Variants in ARHGEF7 observed in about 807,000 individuals in gnomAD.
The protein encoded by ARHGEF7 is PAK-interacting exchange factor beta.
A neutral mutation model predicts 109.8 loss-of-function variants in ARHGEF7; 33 were observed. The ratio of observed to expected loss-of-function variants is 0.30; its 90% CI spans 0.23 to 0.40. The LOEUF (loss-of-function observed/expected upper bound fraction) is 0.40. Ranked by LOEUF, ARHGEF7 falls within the 10% of genes least tolerant of loss-of-function variation. The probability of loss-of-function intolerance (pLI) is 1.00; values close to 1 mark genes in which losing one functional copy is unlikely to be tolerated. For missense variants in ARHGEF7, 938 were observed against 1,098.5 expected, an observed-to-expected ratio of 0.85 and a Z score of 2.07; for synonymous variants, 458 against 424.6, an observed-to-expected ratio of 1.08 and a Z score of -0.97.
At chr13:111,196,005 C>T (rs2080455458) in intron 2 of ARHGEF7, among the ~76,000 whole-genome samples, 1 of 152,152 alleles carries the variant, frequency 6.6e-6, no homozygotes, top group African/African-American at 2.4e-5. Flanking sequence ...TTGGAGCTTT[C>T]TCCTGATATC....
In ARHGEF7 at chr13:111,153,974, G is replaced by T; in HGVS notation, c.235G>T (p.Ala79Ser). 1 of 1,603,000 alleles carries T rather than the reference G, an allele frequency of 6.2e-7. No homozygotes were observed. The highest frequency in any genetic ancestry group is 8.5e-7 in the Non-Finnish European group (1 of 1,176,714). Reference sequence around the variant, plus strand: ...CCGCGAGTTCCTGCGCGGCTGCGGGGCTTCCCTGCGGCTGGAGGTGAGCGC... The same window carrying T: ...CCGCGAGTTCCTGCGCGGCTGCGGGTCTTCCCTGCGGCTGGAGGTGAGCGC... Reference protein sequence around the residue: ...NIREFLRGCGASLRLETFDAN... With the variant: ...NIREFLRGCGSSLRLETFDAN... The change falls in exon 2 of 22, where the codon GCT becomes TCT. Residue 79 changes from alanine to serine, a missense_variant. Ala to Ser is a moderately conservative substitution (Grantham distance 99). Transcript: ENST00000646102.
chr13:111,139,358 T>C (rs1361774105), intron 1 of ARHGEF7, among the ~76,000 whole-genome samples: 3 of 152,208 alleles, frequency 2.0e-5, no homozygotes, highest in Non-Finnish European at 4.4e-5. Flanking sequence ...TGTGACTCTG[T>C]TTCTCCCCTT....
At chr13:111,149,782 C>T (rs2075801957) in intron 1 of ARHGEF7, among the ~76,000 whole-genome samples, 1 of 152,166 alleles carries the variant, frequency 6.6e-6, no homozygotes, top group Non-Finnish European at 1.5e-5. Context: ...ACAGTACTCA[C>T]ATAACACGGA....
chr13:111,284,726 G>A (rs528141055), intron 16 of ARHGEF7, among the ~76,000 whole-genome samples: 13 of 152,314 alleles, frequency 8.5e-5, no homozygotes, highest in African/African-American at 2.6e-4. Flanking sequence ...GCTGAGCACC[G>A]CCCAGCAGTA....
intron 3 of ARHGEF7, among the ~76,000 whole-genome samples, chr13:111,206,960 TA>T (rs35814705): frequency 4.8e-4 from 26 of 53,720 alleles, no homozygotes; most frequent in South Asian, 1.7e-3. Context: ...AGACTCCATC[TA>T]AAAAAAAAAA....
rs144842052 is a variant in ARHGEF7 at position 111,131,273 on chromosome 13, G to C, written c.165+15582G>C. On this transcript the variant is annotated intron_variant, in intron 1 of 21. Coordinates refer to ENST00000646102, the MANE Select transcript of ARHGEF7 (RefSeq NM_001354046.2). The surrounding 1 kb of genome is among the most constrained non-coding windows in gnomAD (Gnocchi z 4.4). ...GGGAGCCCAGGAGGGTGCGGCGGCG[G>C]GCAGACAGGGGGACAGTGATTTGGG... Among the ~76,000 whole-genome samples the C allele has an allele frequency of 3.2e-3, 494 of 152,174 alleles. 3 individuals carry two copies. Among genetic ancestry groups the C allele is most frequent in the African/African-American group, 0.011 (474 of 41,502 alleles).
intron 5 of ARHGEF7, among the ~76,000 whole-genome samples, chr13:111,223,927 G>C (rs1399147660): frequency 6.7e-6 from 1 of 150,118 alleles, no homozygotes; most frequent in East Asian, 1.9e-4. Flanking sequence ...CATAATCTCA[G>C]CTCACTGCAA....
chr13:111,159,495 C>T (rs2076586382), intron 2 of ARHGEF7, among the ~76,000 whole-genome samples: 1 of 152,226 alleles, frequency 6.6e-6, no homozygotes, highest in Non-Finnish European at 1.5e-5. Context: ...AATTTACATT[C>T]CCACCAACAA....
chr13:111,187,467 C>A (rs1221302926), intron 2 of ARHGEF7, among the ~76,000 whole-genome samples: 3 of 152,178 alleles, frequency 2.0e-5, no homozygotes, highest in East Asian at 1.9e-4. Context: ...TCTTGCCATT[C>A]CTGACTTGTT....
At chr13:111,139,385 T>A (rs2075240141) in intron 1 of ARHGEF7, among the ~76,000 whole-genome samples, 1 of 152,186 alleles carries the variant, frequency 6.6e-6, no homozygotes, top group Non-Finnish European at 1.5e-5. Context: ...TCTCTGTATC[T>A]GTGACATCCT....
intron 19 of ARHGEF7, chr13:111,293,127 T>C (rs1212498720): frequency 1.0e-5 from 10 of 985,244 alleles, no homozygotes; most frequent in Middle Eastern, 5.2e-4. Flanking sequence ...GTAAAATCTC[T>C]ACACTAACAG....
At chr13:111,297,828 G>A (rs550489641) in intron 19 of ARHGEF7, among the ~76,000 whole-genome samples, 1 of 152,352 alleles carries the variant, frequency 6.6e-6, no homozygotes, top group African/African-American at 2.4e-5. Context: ...AAATGTTAAT[G>A]TTGGAAACAG....
Position 111,292,273 on chromosome 13 carries a change from T to TA in ARHGEF7, c.2291dup (p.Tyr764Ter). 6.2e-7 allele frequency: 1 copy of TA among 1,614,244 alleles called. No individual in the cohort carries two copies. Among genetic ancestry groups the TA allele is most frequent in the Non-Finnish European group, 8.5e-7 (1 of 1,180,052 alleles). ...DYDSIWTAHS[Y>*]RMGSTSRSRK... ...TGACAGTATATGGACAGCCCATAGT[T>TA]ACAGAATGGGTTCTACATCTCGTAA... Residue 764 changes from tyrosine (Y) to a stop codon, truncating the protein, a stop_gained and frameshift_variant, in exon 19 of 22, where the codon TAC (tyrosine) becomes TAAC (stop). Coordinates refer to ENST00000646102, the MANE Select transcript of ARHGEF7 (RefSeq NM_001354046.2). LOFTEE classifies it high-confidence loss of function.
Position 111,145,823 on chromosome 13 carries a change from C to T in ARHGEF7, c.166-8082C>T, listed in dbSNP as rs902583960. ...AATCCACGGGCTGTGTAGTTTTGGA[C>T]CTGACATTTCAGCTGTCTGAGTCCC... On this transcript the variant is annotated intron_variant, in intron 1 of 21. Transcript: ENST00000646102. This position sits in a 1 kb window ranked among gnomAD's most constrained non-coding sequence, Gnocchi z 4.3. 6.6e-6 allele frequency among the ~76,000 whole-genome samples: 1 copy of T among 152,168 alleles called. No homozygotes were observed. The highest frequency in any genetic ancestry group is 1.5e-5 in the Non-Finnish European group (1 of 68,046).
chr13:111,159,496 C>T (rs368847338), intron 2 of ARHGEF7, among the ~76,000 whole-genome samples: 2 of 152,188 alleles, frequency 1.3e-5, no homozygotes, highest in South Asian at 4.1e-4. Flanking sequence ...ATTTACATTC[C>T]CACCAACAAT....
chr13:111,198,445 G>A lies in ARHGEF7; in HGVS notation c.253-6844G>A, dbSNP rs550152763. ...CTTAAAGATGGTGTGTCCGGAGTTT[G>A]TTCCTTCAGATGTGTCCATTCCTTC... is the stretch of plus-strand genomic sequence containing the variant. On this transcript the variant is annotated intron_variant, in intron 2 of 21. Coordinates refer to ENST00000646102, the MANE Select transcript of ARHGEF7 (RefSeq NM_001354046.2). Among the ~76,000 whole-genome samples, 241 of 152,086 alleles carry A rather than the reference G, an allele frequency of 1.6e-3. 2 individuals carry two copies. The highest frequency in any genetic ancestry group is 4.4e-3 in the South Asian group (21 of 4,814).
intron 6 of ARHGEF7, 118 bp downstream of exon 6, chr13:111,233,411 C>G: frequency 2.5e-6 from 2 of 787,526 alleles, no homozygotes; most frequent in Admixed American, 2.0e-5. Context: ...GTTCATTCAT[C>G]TGCCACACAA....
At chr13:111,242,468 A>G (rs1487205737) in intron 6 of ARHGEF7, among the ~76,000 whole-genome samples, 5 of 152,206 alleles carry the variant, frequency 3.3e-5, no homozygotes, top group African/African-American at 4.8e-5. Flanking sequence ...CTTCTGTACA[A>G]TTTCTTTTGT....
chr13:111,207,256 C>G (rs2082004686), intron 3 of ARHGEF7, among the ~76,000 whole-genome samples: 1 of 152,202 alleles, frequency 6.6e-6, no homozygotes, highest in African/African-American at 2.4e-5. Context: ...GAAGCCTCAG[C>G]CTCCTGGGCT....
Sources: gnomAD v4.1 joint callset for allele counts (sites outside exome capture counted in the v4.1 genomes callset) on GRCh38, gnomAD v4.1.1 for gene constraint, Gnocchi (gnomAD v3.1) non-coding constraint, MANE v1.5 for transcripts, NCBI Gene and HGNC (gene_info 2026-07-23, HGNC 2026-07-21) for gene names.